ZBTB25: variants seen among roughly 807,000 people sequenced by gnomAD.
ZBTB25 encodes the protein zinc finger and BTB domain containing 25.
In ZBTB25, 20 loss-of-function variants were observed where a neutral mutation model predicts 34.2. The ratio of observed to expected loss-of-function variants is 0.58; its 90% confidence interval spans 0.41 to 0.85. The LOEUF (loss-of-function observed/expected upper bound fraction) is 0.85. ZBTB25 is among the 40% of genes least tolerant of loss of function. The pLI is 0.00. For missense variants in ZBTB25, 437 were observed against 521.8 expected, an observed-to-expected ratio of 0.84 and a Z score of 1.58; for synonymous variants, 175 against 186.4, an observed-to-expected ratio of 0.94 and a Z score of 0.50.
At chr14:64,453,703 G>A (rs1219933949) in intron 2 of ZBTB25, 2 of 1,103,548 alleles carry the variant, frequency 1.8e-6, no homozygotes, top group South Asian at 2.6e-5. Context: ...CTGGTTAAAT[G>A]TCCTCACATG....
At chr14:64,453,693 C>G (rs1434658214) in intron 2 of ZBTB25, 8 of 1,003,698 alleles carry the variant, frequency 8.0e-6, no homozygotes, top group Non-Finnish European at 9.5e-6. Flanking sequence ...TGGCTATGTC[C>G]TGGTTAAATG....
downstream of ZBTB25, among the ~76,000 whole-genome samples, chr14:64,476,708 A>G (rs1040421744): frequency 1.3e-5 from 2 of 152,152 alleles, no homozygotes; most frequent in African/African-American, 2.4e-5. Flanking sequence ...GAAAATGCCA[A>G]AACAATTGGT....
intron 2 of ZBTB25, among the ~76,000 whole-genome samples, chr14:64,489,092 C>T (rs1040511509): frequency 6.6e-6 from 1 of 151,778 alleles, no homozygotes; most frequent in African/African-American, 2.4e-5. Context: ...ACTAAAATTA[C>T]AAAAAATTAG....
intron 2 of ZBTB25, among the ~76,000 whole-genome samples, chr14:64,489,209 C>T (rs2078986683): frequency 6.6e-6 from 1 of 152,124 alleles, no homozygotes; most frequent in African/African-American, 2.4e-5. Flanking sequence ...GATCATGCCA[C>T]TGCACTTCAG....
Position 64,503,605 on chromosome 14 carries a change from G to T in ZBTB25, c.-8+56C>A, listed in dbSNP as rs1263392819. 4.1e-6 allele frequency: 4 copies of T among 985,546 alleles called. No homozygotes were observed. The Admixed American group carries it at 1.8e-4, about 45-fold the overall frequency. 61.1% of individuals were successfully genotyped at this position (985,546 alleles called of 1,614,324 possible). ...TGCAGGCCGCCGCCCTGGGTGGCTC[G>T]CGGCAGGAGGGACTGAGCCCGGGGC... On this transcript the variant is annotated intron_variant, in intron 1 of 2. Transcript: ENST00000608382.
At chr14:64,454,972 C>A in intron 2 of ZBTB25, 2 of 1,290,240 alleles carry the variant, frequency 1.6e-6, no homozygotes, top group Non-Finnish European at 2.3e-6. Flanking sequence ...GAGCAGAGTT[C>A]ACTGCCCAGA....
At chr14:64,489,692 T>C (rs1409521617) in intron 2 of ZBTB25, among the ~76,000 whole-genome samples, 8 of 151,426 alleles carry the variant, frequency 5.3e-5, no homozygotes, top group African/African-American at 1.5e-4. Context: ...CCCACCACCA[T>C]GCCTGGCTAA....
chr14:64,449,437 C>G, exon 3 of ZBTB25: 1 of 1,612,804 alleles, frequency 6.2e-7, no homozygotes, highest in Non-Finnish European at 8.5e-7. Flanking sequence ...GAAATGCTTC[C>G]TTTATAGGAC....
At chr14:64,496,906 T>C (rs1191853951) in intron 1 of ZBTB25, among the ~76,000 whole-genome samples, 2 of 152,180 alleles carry the variant, frequency 1.3e-5, no homozygotes, top group Admixed American at 6.5e-5. Context: ...TGTGAGGTAG[T>C]AGAGCAGGTA....
At chr14:64,449,728 T>C in intron 2 of ZBTB25, 1 of 1,348,120 alleles carries the variant, frequency 7.4e-7, no homozygotes, top group Non-Finnish European at 1.0e-6. Context: ...GCTTCAGCCT[T>C]GCGGTTTGAT....
chr14:64,489,205 G>A (rs1210373722), intron 2 of ZBTB25, among the ~76,000 whole-genome samples: 1 of 152,108 alleles, frequency 6.6e-6, no homozygotes, highest in Non-Finnish European at 1.5e-5. Context: ...CTGAGATCAT[G>A]CCACTGCACT....
chr14:64,464,677 G>A (rs2078591607), intron 2 of ZBTB25, among the ~76,000 whole-genome samples: 1 of 152,170 alleles, frequency 6.6e-6, no homozygotes. Context: ...AGGAGGCTGG[G>A]ATTGTGATGG....
Position 64,486,293 on chromosome 14 carries a change from C to G in ZBTB25, c.*630G>C, listed in dbSNP as rs1447174563. ...CCCCAGCCTGGGCGACACAGAGAGACTCTGTCTCAAAAAAAAAAAGAGGTA... is the reference window on the plus strand; with the variant it reads ...CCCCAGCCTGGGCGACACAGAGAGAGTCTGTCTCAAAAAAAAAAAGAGGTA... On this transcript the variant is annotated 3_prime_UTR_variant, in exon 3 of 3. Transcript: ENST00000608382. 2.0e-6 allele frequency: 2 copies of G among 982,208 alleles called. No individual in the cohort carries two copies. The highest frequency in any genetic ancestry group is 2.4e-6 in the Non-Finnish European group (2 of 827,610). 60.8% of individuals were successfully genotyped at this position (982,208 alleles called of 1,614,324 possible). A position where few individuals can be genotyped will look rare whatever the true frequency, so the allele number is the denominator to read the frequency against.
In ZBTB25 at chr14:64,478,770, G is replaced by C. The variant is rs1041750903; in HGVS notation, c.*8153C>G. ...CATTAGTCTTGACTCTATAAAGCAT[G>C]ATCCAAAAGTAGCTAAGCCCTAAAT... On this transcript the variant is annotated 3_prime_UTR_variant, in exon 3 of 3. Coordinates refer to ENST00000608382, the MANE Select transcript of ZBTB25 (RefSeq NM_006977.5). The C allele has an allele frequency of 6.6e-6, 1 of 152,208 alleles. No individual in the cohort carries two copies. The highest frequency in any genetic ancestry group is 2.1e-4 in the South Asian group (1 of 4,832). 9.4% of individuals were successfully genotyped at this position (152,208 alleles called of 1,614,324 possible).
intron 1 of ZBTB25, among the ~76,000 whole-genome samples, chr14:64,494,226 G>A (rs188983265): frequency 6.6e-6 from 1 of 152,304 alleles, no homozygotes; most frequent in East Asian, 1.9e-4. Context: ...AAACATGGGG[G>A]TGAGGCCCAT....
intron 1 of ZBTB25, among the ~76,000 whole-genome samples, chr14:64,490,838 C>A (rs1382965991): frequency 1.8e-4 from 27 of 152,156 alleles, no homozygotes; most frequent in Non-Finnish European, 2.2e-4. Flanking sequence ...TGTCCTTTTC[C>A]ATCTATGTGA....
chr14:64,503,337 C>T, intron 1 of ZBTB25: 1 of 985,432 alleles, frequency 1.0e-6, no homozygotes, highest in Non-Finnish European at 1.2e-6. Context: ...ACTGGGGTTT[C>T]CTGCTGGGGG....
chr14:64,490,650 G>T, intron 1 of ZBTB25, 110 bp from the exon 2 acceptor site: 1 of 983,860 alleles, frequency 1.0e-6, no homozygotes, highest in Admixed American at 3.1e-5. Context: ...GTAACAAGGA[G>T]ATCTAAATTT....
chr14:64,475,161 C>G (rs1371414109), downstream of ZBTB25, among the ~76,000 whole-genome samples: 1 of 152,068 alleles, frequency 6.6e-6, no homozygotes, highest in Non-Finnish European at 1.5e-5. Flanking sequence ...GTTTTATGGC[C>G]GGGCGCGGTG....
Sources: allele counts gnomAD v4.1 joint callset (sites outside exome capture counted in the v4.1 genomes callset), GRCh38; gene constraint gnomAD v4.1.1; transcripts MANE v1.5; gene names NCBI Gene and HGNC (gene_info 2026-07-23, HGNC 2026-07-21).